PVT1: variants seen among roughly 807,000 people sequenced by gnomAD.
The protein encoded by PVT1 is Pvt1 oncogene.
chr8:127,806,619 C>T (rs943444158), intron 2 of PVT1, among the ~76,000 whole-genome samples: 1 of 152,198 alleles, frequency 6.6e-6, no homozygotes, highest in African/African-American at 2.4e-5. Context: ...CTGTGTTACA[C>T]TGTTGTGTAA....
intron 4 of PVT1, among the ~76,000 whole-genome samples, chr8:128,024,130 C>T (rs1043226191): frequency 6.6e-6 from 1 of 152,238 alleles, no homozygotes; most frequent in African/African-American, 2.4e-5. Context: ...GCAGAGCCCA[C>T]AGCAGGCATC....
intron 5 of PVT1, among the ~76,000 whole-genome samples, chr8:128,073,367 A>G (rs983022380): frequency 6.6e-6 from 1 of 151,790 alleles, no homozygotes; most frequent in Non-Finnish European, 1.5e-5. Context: ...TTCTCCCTCC[A>G]TCCCTTCATT....
intron 3 of PVT1, among the ~76,000 whole-genome samples, chr8:127,929,737 C>T (rs1816180472): frequency 6.6e-6 from 1 of 151,686 alleles, no homozygotes; most frequent in Non-Finnish European, 1.5e-5. Flanking sequence ...CACTGGACTC[C>T]AGCCTGGGTG....
At chr8:127,986,967 C>T (rs1816977138) in intron 3 of PVT1, among the ~76,000 whole-genome samples, 1 of 152,174 alleles carries the variant, frequency 6.6e-6, no homozygotes, top group African/African-American at 2.4e-5. Context: ...GACAGGACAT[C>T]AGCTTGCAAA....
rs573050941 is a variant in PVT1 at position 127,945,159 on chromosome 8, G to A, written n.783-44003G>A. 3.3e-5 allele frequency among the ~76,000 whole-genome samples: 5 copies of A among 152,294 alleles called. No homozygotes were observed. In the South Asian group the frequency reaches 8.3e-4, roughly 25 times the overall value. On this transcript the variant is annotated intron_variant and non_coding_transcript_variant, in intron 3 of 10. Transcript: ENST00000651587. ...TCAAGGGCCAGTTAACCATTCCCCT[G>A]TTGAGACACTGTGCTTGATGCATTT...
chr8:127,942,180 G>T (rs964221322), intron 3 of PVT1, among the ~76,000 whole-genome samples: 5 of 152,190 alleles, frequency 3.3e-5, no homozygotes, highest in African/African-American at 1.2e-4. Context: ...AGTTCTGCCA[G>T]TTGGGAAGTG....
At chr8:128,086,504 C>T (rs1331975199) in intron 5 of PVT1, among the ~76,000 whole-genome samples, 1 of 152,148 alleles carries the variant, frequency 6.6e-6, no homozygotes, top group African/African-American at 2.4e-5. Flanking sequence ...CATCAGACAC[C>T]AGAGCCTGTA....
At chr8:127,873,087 T>C (rs1563626948) in intron 2 of PVT1, among the ~76,000 whole-genome samples, 1 of 151,998 alleles carries the variant, frequency 6.6e-6, no homozygotes, top group Admixed American at 6.6e-5. Context: ...TGGGGTTAGG[T>C]GAGGATATGG....
intron 4 of PVT1, among the ~76,000 whole-genome samples, chr8:128,036,535 C>T (rs1276071917): frequency 5.9e-5 from 9 of 152,078 alleles, no homozygotes; most frequent in Admixed American, 6.5e-5. Context: ...CAGGGGTGCC[C>T]GAGACCCAGC....
intron 4 of PVT1, among the ~76,000 whole-genome samples, chr8:128,057,219 C>T (rs1289157197): frequency 6.6e-6 from 1 of 152,128 alleles, no homozygotes; most frequent in Non-Finnish European, 1.5e-5. Context: ...TACAACTGCT[C>T]TTTATTGAGC....
At chr8:127,894,257 C>G (rs1815646194) in intron 3 of PVT1, among the ~76,000 whole-genome samples, 1 of 152,158 alleles carries the variant, frequency 6.6e-6, no homozygotes, top group African/African-American at 2.4e-5. Flanking sequence ...GATGGTCTAC[C>G]CAGGGTGGCA....
intron 4 of PVT1, among the ~76,000 whole-genome samples, chr8:128,030,889 C>T (rs1034026329): frequency 6.6e-6 from 1 of 152,220 alleles, no homozygotes; most frequent in African/African-American, 2.4e-5. Context: ...GCCCCAGTCC[C>T]AGGCCTGCCC....
chr8:127,802,878 G>C (rs1814481259), intron 2 of PVT1, among the ~76,000 whole-genome samples: 2 of 152,090 alleles, frequency 1.3e-5, no homozygotes, highest in Non-Finnish European at 2.9e-5. Context: ...GCCTGCTGTA[G>C]CCCAGAAGCT....
intron 2 of PVT1, among the ~76,000 whole-genome samples, chr8:127,871,248 T>G (rs1396660699): frequency 6.6e-6 from 1 of 152,206 alleles, no homozygotes; most frequent in Non-Finnish European, 1.5e-5. Flanking sequence ...CTCCTCCACA[T>G]TTTGGCCTGG....
At chr8:127,813,279 T>TAA (rs1404378773) in intron 2 of PVT1, among the ~76,000 whole-genome samples, 63 of 128,068 alleles carry the variant, frequency 4.9e-4, no homozygotes, top group South Asian at 2.1e-3. Context: ...TATATATATA[T>TAA]AATATATAGA....
At chr8:127,810,215 G>A (rs910746188) in intron 2 of PVT1, among the ~76,000 whole-genome samples, 1 of 152,212 alleles carries the variant, frequency 6.6e-6, no homozygotes, top group Non-Finnish European at 1.5e-5. Flanking sequence ...GCCTTGCAAA[G>A]GCCATATCTC....
At chr8:127,934,396 G>A (rs1048723924) in intron 3 of PVT1, among the ~76,000 whole-genome samples, 11 of 152,234 alleles carry the variant, frequency 7.2e-5, no homozygotes, top group Non-Finnish European at 1.5e-4. Context: ...GAGGCATTGG[G>A]CCCCTTGAAG....
At chr8:127,868,475 C>T (rs1815309424) in intron 2 of PVT1, among the ~76,000 whole-genome samples, 1 of 151,996 alleles carries the variant, frequency 6.6e-6, no homozygotes. Context: ...ACAACCCCGA[C>T]CTCCTGGGTT....
chr8:128,043,129 G>A (rs943416488), intron 4 of PVT1, among the ~76,000 whole-genome samples: 3 of 152,102 alleles, frequency 2.0e-5, no homozygotes, highest in African/African-American at 2.4e-5. Context: ...TAAATAAAGG[G>A]GCCAGCCCTC....
Sources: gnomAD v4.1 joint callset for allele counts (sites outside exome capture counted in the v4.1 genomes callset) on GRCh38, gnomAD v4.1.1 for gene constraint, MANE v1.5 for transcripts, NCBI Gene and HGNC (gene_info 2026-07-23, HGNC 2026-07-21) for gene names.